Variants in LARGE1 observed in about 807,000 individuals in gnomAD.
LARGE1 encodes the protein xylosyl- and glucuronyltransferase LARGE1.
LARGE1 carries 43 observed loss-of-function variants against 87.6 expected under a neutral mutation model. The ratio of observed to expected loss-of-function variants is 0.49; its 90% confidence interval spans 0.38 to 0.63. The LOEUF (loss-of-function observed/expected upper bound fraction) is 0.63, where lower values mean the gene tolerates loss of function less well. LARGE1 is among the 30% of genes least tolerant of loss of function. The pLI, the probability that LARGE1 is intolerant of heterozygous loss-of-function variation, is 0.00. For synonymous variants in LARGE1, 434 were observed against 394.6 expected, an observed-to-expected ratio of 1.10 and a Z score of -1.18; for missense variants, 802 against 1,000.2, an observed-to-expected ratio of 0.80 and a Z score of 2.67.
chr22:33,610,908 C>T (rs1294333555), intron 4 of LARGE1, among the ~76,000 whole-genome samples: 1 of 152,180 alleles, frequency 6.6e-6, no homozygotes, highest in African/African-American at 2.4e-5. Flanking sequence ...CCAAAGGGCC[C>T]AAGATACATC....
chr22:33,338,092 T>C (rs538303989), intron 9 of LARGE1, among the ~76,000 whole-genome samples: 3 of 152,262 alleles, frequency 2.0e-5, no homozygotes, highest in East Asian at 1.9e-4. Flanking sequence ...AGTTATTACA[T>C]TGTCATCTCT....
chr22:33,263,953 T>C (rs974880237), intron 11 of LARGE1, among the ~76,000 whole-genome samples: 2 of 152,240 alleles, frequency 1.3e-5, no homozygotes, highest in African/African-American at 4.8e-5. Flanking sequence ...ATTACTTAAC[T>C]TCTTTGTGCT....
intron 7 of LARGE1, among the ~76,000 whole-genome samples, chr22:33,387,380 T>C (rs2065361955): frequency 6.9e-6 from 1 of 145,112 alleles, no homozygotes; most frequent in African/African-American, 2.6e-5. Context: ...TGAGCTGAGA[T>C]TGCACCACTG....
chr22:33,535,275 G>A (rs1181887947), intron 6 of LARGE1, among the ~76,000 whole-genome samples: 3 of 152,204 alleles, frequency 2.0e-5, no homozygotes, highest in African/African-American at 7.2e-5. Flanking sequence ...CAGGCGCGGT[G>A]GCTCATGCCT....
At chr22:33,560,896 G>T (rs1003931833) in intron 6 of LARGE1, among the ~76,000 whole-genome samples, 2 of 151,500 alleles carry the variant, frequency 1.3e-5, no homozygotes, top group African/African-American at 4.9e-5. Context: ...CTTACTGCAA[G>T]CTCTGCCTCC....
At chr22:33,724,240 T>C (rs1158863033) in intron 2 of LARGE1, 2 of 152,300 alleles carry the variant, frequency 1.3e-5, no homozygotes, top group African/African-American at 4.8e-5. Context: ...CAACCACAGG[T>C]AGAGAAGTGT....
At chr22:33,511,888 C>A (rs1256803685) in intron 6 of LARGE1, among the ~76,000 whole-genome samples, 5 of 152,234 alleles carry the variant, frequency 3.3e-5, no homozygotes, top group Non-Finnish European at 7.3e-5. Flanking sequence ...CAATGGCTAA[C>A]TCCCCTACAA....
At chr22:33,690,236 C>A (rs958500488) in intron 2 of LARGE1, among the ~76,000 whole-genome samples, 4 of 152,288 alleles carry the variant, frequency 2.6e-5, no homozygotes, top group Admixed American at 2.0e-4. Context: ...AAAAGTTAGG[C>A]AAAATGAAGT....
In LARGE1 at chr22:33,541,502, CTTTG is replaced by C. The variant is rs1205756224; in HGVS notation, c.787+23342_787+23345del. On this transcript the variant is annotated intron_variant, in intron 6 of 14. Transcript: ENST00000397394. ...TACACAATTGAGTTTCATTCTTTAC[CTTTG>C]TGCTGATACGGACATGCATTGTTTT... Among the ~76,000 whole-genome samples the C allele has an allele frequency of 3.9e-5, 6 of 152,190 alleles. No individual in the cohort carries two copies. In the East Asian group the frequency reaches 1.2e-3, roughly 29 times the overall value.
At chr22:33,465,181 A>G (rs1207393004) in intron 6 of LARGE1, among the ~76,000 whole-genome samples, 4 of 152,258 alleles carry the variant, frequency 2.6e-5, no homozygotes, top group Admixed American at 2.6e-4. Flanking sequence ...ACGTAATTTG[A>G]GCAAAAGAAG....
At chr22:33,462,864 C>A (rs896761771) in intron 6 of LARGE1, among the ~76,000 whole-genome samples, 6 of 152,096 alleles carry the variant, frequency 3.9e-5, no homozygotes, top group Non-Finnish European at 7.4e-5. Flanking sequence ...TAAAATAGAA[C>A]AAGCAAACTT....
intron 11 of LARGE1, among the ~76,000 whole-genome samples, chr22:33,257,061 C>T (rs1228897466): frequency 6.6e-6 from 1 of 152,040 alleles, no homozygotes; most frequent in African/African-American, 2.4e-5. Flanking sequence ...CAAAATTAGC[C>T]GGGCGTGGTG....
At chr22:33,245,334 T>C (rs1602141597) in intron 11 of LARGE1, among the ~76,000 whole-genome samples, 2 of 152,274 alleles carry the variant, frequency 1.3e-5, no homozygotes, top group South Asian at 2.1e-4. Context: ...CTGCTAGAGT[T>C]TTGGCTTTTT....
At chr22:33,848,301 C>T (rs906630650) in intron 1 of LARGE1, among the ~76,000 whole-genome samples, 8 of 152,180 alleles carry the variant, frequency 5.3e-5, no homozygotes, top group South Asian at 2.1e-4. Context: ...AACAGGCTTA[C>T]GTCTAAAGGA....
chr22:33,252,611 T>A (rs1927062181), intron 11 of LARGE1, among the ~76,000 whole-genome samples: 1 of 152,134 alleles, frequency 6.6e-6, no homozygotes, highest in Admixed American at 6.5e-5. Context: ...AGGAATTGAG[T>A]CGTTTATTTT....
At chr22:33,847,634 G>A (rs571319440) in intron 1 of LARGE1, among the ~76,000 whole-genome samples, 52 of 152,308 alleles carry the variant, frequency 3.4e-4, no homozygotes, top group African/African-American at 1.2e-3. Flanking sequence ...CCACTTCTAA[G>A]CAGTGGTACG....
At chr22:33,410,926 C>T (rs74999984) in intron 7 of LARGE1, among the ~76,000 whole-genome samples, 3,952 of 152,258 alleles carry the variant, frequency 0.026, 158 homozygotes, top group African/African-American at 0.091. Context: ...ACCTGAGAGG[C>T]CCCAGAGAAA....
chr22:33,815,448 T>C (rs2157088), intron 1 of LARGE1, among the ~76,000 whole-genome samples: 6,243 of 152,310 alleles, frequency 0.041, 226 homozygotes, highest in South Asian at 0.2. Flanking sequence ...TTTCCAATTA[T>C]GTTCCTTTCC....
the LARGE1 span, among the ~76,000 whole-genome samples, chr22:33,118,937 A>C: frequency 6.6e-6 from 1 of 152,230 alleles, no homozygotes. Context: ...AATCTCGTCT[A>C]AGTTGACAAT....
Sources: allele counts gnomAD v4.1 joint callset (sites outside exome capture counted in the v4.1 genomes callset), GRCh38; gene constraint gnomAD v4.1.1; transcripts MANE v1.5; gene names NCBI Gene and HGNC (gene_info 2026-07-23, HGNC 2026-07-21).